The following AGO4 variants were observed in gnomAD, a reference collection of about 807,000 sequenced individuals.
The protein encoded by AGO4 is protein argonaute-4.
AGO4 carries 33 observed loss-of-function variants against 104.7 expected under a neutral mutation model. That is an observed-to-expected ratio of 0.32 (90% CI 0.24 to 0.42). The LOEUF (loss-of-function observed/expected upper bound fraction) is 0.42. Among genes scored for constraint, AGO4 ranks in the 10% least tolerant of loss-of-function variants. AGO4 has a pLI of 1.00. For synonymous variants in AGO4, 331 were observed against 364.7 expected, an observed-to-expected ratio of 0.91 and a Z score of 1.05; for missense variants, 711 against 1,083.4, an observed-to-expected ratio of 0.66 and a Z score of 4.83.
chr1:35,853,111 T>C (rs559106232), intron 17 of AGO4, among the ~76,000 whole-genome samples: 6 of 151,246 alleles, frequency 4.0e-5, no homozygotes, highest in East Asian at 1.9e-4. Flanking sequence ...ATCAGCCGGG[T>C]GTGGTGGCGG....
In AGO4 at chr1:35,817,074, G is replaced by C. The variant is rs372288596; in HGVS notation, c.185+27G>C. 1.5e-5 allele frequency: 24 copies of C among 1,555,174 alleles called. No individual in the cohort carries two copies. The African/African-American group carries it at 3.1e-4, about 20-fold the overall frequency. ...TAAGGATTAGAAACAGTGGATTTCT[G>C]TATATTTAAGTGCATATAATTTATT... is the stretch of plus-strand genomic sequence containing the variant. On this transcript the variant is annotated intron_variant, in intron 2 of 17. Transcript: ENST00000373210.
At chr1:35,827,631 G>A (rs1190918670) in intron 7 of AGO4, among the ~76,000 whole-genome samples, 1 of 151,960 alleles carries the variant, frequency 6.6e-6, no homozygotes, top group African/African-American at 2.4e-5. Flanking sequence ...TTTTGGTAGA[G>A]GTATTTATAA....
intron 13 of AGO4, 86 bp downstream of exon 13, chr1:35,836,079 C>T (rs1644306389): frequency 7.2e-7 from 1 of 1,392,916 alleles, no homozygotes; most frequent in Admixed American, 2.0e-5. Context: ...ATATATGCAT[C>T]TAGATTACCT....
At chr1:35,810,913 T>TGC (rs1643478751) in intron 1 of AGO4, among the ~76,000 whole-genome samples, 1 of 150,140 alleles carries the variant, frequency 6.7e-6, no homozygotes, top group South Asian at 2.1e-4. Context: ...GGGCGGATCA[T>TGC]TTGCGGCCAG....
chr1:35,817,898 C>T (rs557178082), intron 2 of AGO4, among the ~76,000 whole-genome samples: 4 of 152,066 alleles, frequency 2.6e-5, no homozygotes, highest in Non-Finnish European at 5.9e-5. Context: ...TTGATCCATC[C>T]AACGAATATT....
chr1:35,846,117 T>C lies in AGO4; in HGVS notation c.2176-4040T>C, dbSNP rs114694056. On this transcript the variant is annotated intron_variant, in intron 15 of 17. Coordinates refer to ENST00000373210, the MANE Select transcript of AGO4 (RefSeq NM_017629.4). ...CCAGTAATACAATCTACCACAGGCATTTCAAGCAAAGCATGTCTAAACCTT... is the reference window on the plus strand; with the variant it reads ...CCAGTAATACAATCTACCACAGGCACTTCAAGCAAAGCATGTCTAAACCTT... Among the ~76,000 whole-genome samples, 1,509 of 152,290 alleles carry C rather than the reference T, an allele frequency of 9.9e-3. 21 individuals are homozygous for C. The highest frequency in any genetic ancestry group is 0.035 in the African/African-American group (1,436 of 41,548).
intron 6 of AGO4, 82 bp downstream of exon 6, chr1:35,826,142 G>A (rs1306573798): frequency 1.5e-5 from 24 of 1,552,198 alleles, no homozygotes; most frequent in Non-Finnish European, 2.0e-5. Context: ...ACACAGACCT[G>A]GGCTTCGGTC....
chr1:35,825,934 A>G lies in AGO4; in HGVS notation c.634A>G (p.Thr212Ala), dbSNP rs1644009062. ...CCTTCTCTGTTTGTTAGTATCTGCA[A>G]CTGCTTTCTACCGGGCTCAGCCTAT... ...NMMLNIDVSA[T>A]AFYRAQPIIE... The change falls in exon 6 of 18, where the codon ACT (threonine) becomes GCT (alanine). Residue 212 changes from threonine (T) to alanine (A), a missense_variant. By Grantham distance (58) the Thr-to-Ala change is moderately conservative. Coordinates refer to ENST00000373210, the MANE Select transcript of AGO4 (RefSeq NM_017629.4). The G allele has an allele frequency of 6.2e-7, 1 of 1,614,050 alleles. No homozygotes were observed. Among genetic ancestry groups the G allele is most frequent in the Non-Finnish European group, 8.5e-7 (1 of 1,179,996 alleles).
chr1:35,828,843 A>G (rs1644103129), intron 7 of AGO4, among the ~76,000 whole-genome samples: 1 of 152,016 alleles, frequency 6.6e-6, no homozygotes, highest in African/African-American at 2.4e-5. Flanking sequence ...CTTCTAATCT[A>G]CTGAAAACTG....
At chr1:35,851,533 C>T (rs1192440198) in intron 17 of AGO4, among the ~76,000 whole-genome samples, 1 of 152,208 alleles carries the variant, frequency 6.6e-6, no homozygotes, top group Non-Finnish European at 1.5e-5. Flanking sequence ...AAATAGGCAT[C>T]TCAGGAGAAT....
chr1:35,834,901 G>T (rs2148671133), intron 12 of AGO4, among the ~76,000 whole-genome samples: 1 of 152,088 alleles, frequency 6.6e-6, no homozygotes, highest in East Asian at 1.9e-4. Flanking sequence ...TTGCCGTGTT[G>T]CCCAGGATGG....
rs1644249406 is a variant in AGO4 at position 35,834,128 on chromosome 1, C to T, written c.1518C>T (p.Gly506=). The change falls in exon 12 of 18, where the codon GGC becomes GGT. Residue 506 remains glycine, a synonymous_variant. Transcript: ENST00000373210. Reference sequence around the variant, plus strand: ...AACATCTGAAAATGACTTATGTGGGCCTACAGCTAATAGTGGTTATCCTGC... The same window carrying T: ...AACATCTGAAAATGACTTATGTGGGTCTACAGCTAATAGTGGTTATCCTGC... ...MFKHLKMTYV[G]LQLIVVILPG... 1 of 1,609,240 alleles carries T rather than the reference C, an allele frequency of 6.2e-7. No individual in the cohort carries two copies. Among genetic ancestry groups the T allele is most frequent in the East Asian group, 2.2e-5 (1 of 44,512 alleles).
intron 15 of AGO4, among the ~76,000 whole-genome samples, chr1:35,842,387 G>A (rs1033414213): frequency 5.3e-5 from 8 of 152,256 alleles, no homozygotes; most frequent in Admixed American, 3.3e-4. Context: ...AAAAGTTGAG[G>A]ACTGCTGGCA....
In AGO4 at chr1:35,808,718, G is replaced by T. The variant is rs1266787081; in HGVS notation, c.19+283G>T. 3.3e-5 allele frequency among the ~76,000 whole-genome samples: 5 copies of T among 152,154 alleles called. No homozygotes were observed. The highest frequency in any genetic ancestry group is 4.8e-5 in the African/African-American group (2 of 41,446). ...ACTCTTGGCCCCACCTCGGGGAGAC[G>T]ATATGTGCCCGGGGTCGCGACGAGG... On this transcript the variant is annotated intron_variant, in intron 1 of 17. Coordinates refer to ENST00000373210, the MANE Select transcript of AGO4 (RefSeq NM_017629.4). This position sits in a 1 kb window ranked among gnomAD's most constrained non-coding sequence, Gnocchi z 5.2.
At chr1:35,814,126 G>C (rs1643610792) in intron 1 of AGO4, among the ~76,000 whole-genome samples, 1 of 151,072 alleles carries the variant, frequency 6.6e-6, no homozygotes, top group Admixed American at 6.6e-5. Flanking sequence ...AAAAAGGAAG[G>C]AAGGAAGGAA....
At chr1:35,832,852 TATTA>T (rs1644218300) in intron 11 of AGO4, among the ~76,000 whole-genome samples, 1 of 152,222 alleles carries the variant, frequency 6.6e-6, no homozygotes, top group Non-Finnish European at 1.5e-5. Flanking sequence ...CTTCCTTTGG[TATTA>T]ATTGTATCTT....
At chr1:35,813,609 CAA>C (rs1643581025) in intron 1 of AGO4, among the ~76,000 whole-genome samples, 1 of 151,400 alleles carries the variant, frequency 6.6e-6, no homozygotes, top group Non-Finnish European at 1.5e-5. Flanking sequence ...ACCAAAAATA[CAA>C]AAATTAGCTG....
chr1:35,849,518 C>CAAA (rs754902083), intron 15 of AGO4, among the ~76,000 whole-genome samples: 29 of 59,406 alleles, frequency 4.9e-4, no homozygotes, highest in African/African-American at 1.3e-3. Flanking sequence ...CCCCGTGTCT[C>CAAA]AAAAAAAAAA....
chr1:35,848,122 T>G (rs1240166588), intron 15 of AGO4, among the ~76,000 whole-genome samples: 1 of 152,238 alleles, frequency 6.6e-6, no homozygotes, highest in Non-Finnish European at 1.5e-5. Flanking sequence ...ACCACTGATA[T>G]GTATTCTGTT....
Sources: allele counts gnomAD v4.1 joint callset (sites outside exome capture counted in the v4.1 genomes callset), GRCh38; gene constraint gnomAD v4.1.1; non-coding constraint Gnocchi (gnomAD v3.1); transcripts MANE v1.5; gene names NCBI Gene and HGNC (gene_info 2026-07-23, HGNC 2026-07-21).